Variants in KRT8 observed in about 807,000 individuals in gnomAD.
KRT8 encodes the protein keratin 8.
In KRT8, 24 loss-of-function variants were observed where a neutral mutation model predicts 43.0. That is an observed-to-expected ratio of 0.56 (90% CI 0.40 to 0.78). The LOEUF is 0.78. Among genes scored for constraint, KRT8 ranks in the 30% least tolerant of loss-of-function variants. The probability of loss-of-function intolerance (pLI) is 0.00; values close to 1 mark genes in which losing one functional copy is unlikely to be tolerated. For missense variants in KRT8, 492 were observed against 638.4 expected, an observed-to-expected ratio of 0.77 and a Z score of 2.47; for synonymous variants, 214 against 261.2, an observed-to-expected ratio of 0.82 and a Z score of 1.74.
intron 7 of KRT8, 45 bp from the exon 8 acceptor site, chr12:52,897,663 C>T (rs768604340): frequency 6.3e-7 from 1 of 1,597,444 alleles, no homozygotes; most frequent in Non-Finnish European, 8.5e-7. Flanking sequence ...AAGCCCACCC[C>T]ATGGCAGGCT....
At chr12:52,927,466 GAAGAGCTC>G (rs1942013331) in intron 2 of KRT8, among the ~76,000 whole-genome samples, 1 of 152,226 alleles carries the variant, frequency 6.6e-6, no homozygotes. Flanking sequence ...ACAGGAGGAG[GAAGAGCTC>G]TGTTTGTCCC....
At chr12:52,941,266 A>G (rs565150512) in intron 2 of KRT8, among the ~76,000 whole-genome samples, 1 of 151,684 alleles carries the variant, frequency 6.6e-6, no homozygotes, top group Middle Eastern at 3.2e-3. Flanking sequence ...GAAAACCCAC[A>G]GATGCAGGAA....
intron 2 of KRT8, among the ~76,000 whole-genome samples, chr12:52,943,880 C>A (rs1308738981): frequency 6.6e-6 from 1 of 152,224 alleles, no homozygotes; most frequent in Non-Finnish European, 1.5e-5. Context: ...ACTGGATGAT[C>A]TGGAGATAGG....
chr12:52,907,308 T>A (rs1941541720), upstream of KRT8, among the ~76,000 whole-genome samples: 1 of 152,082 alleles, frequency 6.6e-6, no homozygotes, highest in Non-Finnish European at 1.5e-5. Context: ...CTGGGCCCAG[T>A]GCCAAACCTG....
chr12:52,939,828 G>A (rs765751870), intron 2 of KRT8, among the ~76,000 whole-genome samples: 2 of 152,064 alleles, frequency 1.3e-5, no homozygotes, highest in Non-Finnish European at 2.9e-5. Context: ...CCTCATGCCT[G>A]TAATCCCAGC....
chr12:52,925,902 C>T (rs1941980159), intron 2 of KRT8, among the ~76,000 whole-genome samples: 1 of 152,104 alleles, frequency 6.6e-6, no homozygotes, highest in East Asian at 1.9e-4. Flanking sequence ...GGGCCCATTA[C>T]TCTGAGCTGG....
chr12:52,933,678 G>A lies in KRT8; in HGVS notation c.-47+15778C>T, dbSNP rs141679871. Among the ~76,000 whole-genome samples the A allele has an allele frequency of 3.0e-3, 463 of 151,926 alleles. 1 individual carries two copies. Among genetic ancestry groups the A allele is most frequent in the Middle Eastern group, 0.017 (5 of 294 alleles). On this transcript the variant is annotated intron_variant, in intron 2 of 6. Coordinates refer to the KRT8 transcript ENST00000546826. ...ATGCTCTTTTTGCCCAGGCTGAAGC[G>A]CAATGGGACAGTCTCGGCTCACTGC... is the stretch of plus-strand genomic sequence containing the variant.
At chr12:52,946,906 C>G (rs1199312049) in intron 2 of KRT8, 3 of 152,370 alleles carry the variant, frequency 2.0e-5, no homozygotes, top group Non-Finnish European at 4.4e-5. Flanking sequence ...GGTGACAGAT[C>G]AGGAACAATC....
At chr12:52,924,588 C>CA (rs1249676372) in intron 2 of KRT8, among the ~76,000 whole-genome samples, 5 of 151,066 alleles carry the variant, frequency 3.3e-5, no homozygotes, top group Non-Finnish European at 5.9e-5. Context: ...GACCCTGTCT[C>CA]AAAAAAATAA....
chr12:52,922,184 T>TAAAAAAAAA (rs57023136), intron 2 of KRT8, among the ~76,000 whole-genome samples: 2 of 38,674 alleles, frequency 5.2e-5, no homozygotes, highest in Non-Finnish European at 4.4e-5. Context: ...ACCCTGTCTC[T>TAAAAAAAAA]AAAAAAAAAA....
intron 2 of KRT8, among the ~76,000 whole-genome samples, chr12:52,938,170 A>ATATTTTTT (rs1555189967): frequency 1.3e-4 from 4 of 30,312 alleles, no homozygotes; most frequent in Middle Eastern, 0.025. Flanking sequence ...ATATATATAT[A>ATATTTTTT]TTTTTTTTTT....
intron 2 of KRT8, among the ~76,000 whole-genome samples, chr12:52,918,602 G>A (rs1010127335): frequency 2.6e-5 from 4 of 152,168 alleles, no homozygotes; most frequent in African/African-American, 7.2e-5. Context: ...GAAGAATTTC[G>A]CAGCCACTTC....
upstream of KRT8, among the ~76,000 whole-genome samples, chr12:52,906,340 C>A (rs1376749229): frequency 6.6e-6 from 1 of 152,144 alleles, no homozygotes; most frequent in Admixed American, 6.5e-5. Context: ...GTGAGTGAAT[C>A]ATGGGAAGTG....
rs778642491 is a variant in KRT8 at position 52,897,353 on chromosome 12, C to T, written c.*75G>A. ...GGTGGGTCTCCTGTTCCCAGTGCTA[C>T]CCTGCATAGCGGCCTCCTTCCCAGG... On this transcript the variant is annotated 3_prime_UTR_variant, in exon 8 of 8. Coordinates refer to ENST00000692008, the Ensembl canonical transcript of KRT8. 9 of 1,335,302 alleles carry T rather than the reference C, an allele frequency of 6.7e-6. No homozygotes were observed. In the African/African-American group the frequency reaches 1.3e-4, roughly 19 times the overall value. The allele number at this position is 1,335,302 out of a possible 1,614,324, so 82.7% of individuals were successfully genotyped here. A position where few individuals can be genotyped will look rare whatever the true frequency, so the allele number is the denominator to read the frequency against.
chr12:52,917,698 G>T (rs548549868), intron 2 of KRT8, among the ~76,000 whole-genome samples: 1 of 122,542 alleles, frequency 8.2e-6, no homozygotes, highest in South Asian at 2.9e-4. Flanking sequence ...GATAGGGCGA[G>T]ACTCTGTCTC....
chr12:52,898,706 C>G, exon 6 of KRT8: 1 of 1,614,238 alleles, frequency 6.2e-7, no homozygotes, highest in Non-Finnish European at 8.5e-7. Flanking sequence ...CAGCAGCTTC[C>G]TGTAGGTGGC....
At chr12:52,929,332 C>T (rs1942047554) in intron 2 of KRT8, among the ~76,000 whole-genome samples, 1 of 152,006 alleles carries the variant, frequency 6.6e-6, no homozygotes, top group African/African-American at 2.4e-5. Context: ...GCTGGGATTA[C>T]AGGTGCCCAC....
At position 52,913,120 on chromosome 12, in the gene KRT8, G is replaced by A. The variant is rs146484392; in HGVS notation, c.-46-8093C>T. Reference sequence around the variant, plus strand: ...TCCAGGTATCAGAGGAGGCTCAGCCGAGGTTAATCACCCACCATAAAAGCA... The same window carrying A: ...TCCAGGTATCAGAGGAGGCTCAGCCAAGGTTAATCACCCACCATAAAAGCA... On this transcript the variant is annotated intron_variant, in intron 2 of 6. Transcript: ENST00000546826. Among the ~76,000 whole-genome samples, 73 of 152,290 alleles carry A rather than the reference G, an allele frequency of 4.8e-4. 1 individual carries two copies. The highest frequency in any genetic ancestry group is 1.5e-3 in the African/African-American group (63 of 41,574).
At position 52,949,065 on chromosome 12, in the gene KRT8, G is replaced by A; in HGVS notation, c.-47+391C>T. On this transcript the variant is annotated intron_variant, in intron 2 of 6. Transcript: ENST00000546826. ...CTCCGGCTTCCGAAGCGGCTCCGGG[G>A]CGGGGGCGGGGCCTCACTCTGCGAT... The A allele has an allele frequency of 3.8e-6, 4 of 1,065,384 alleles. No individual in the cohort carries two copies. In the Admixed American group the frequency reaches 5.5e-5, roughly 15 times the overall value. 66.0% of individuals were successfully genotyped at this position (1,065,384 alleles called of 1,614,324 possible). A position where few individuals can be genotyped will look rare whatever the true frequency, so the allele number is the denominator to read the frequency against.
Sources: gnomAD v4.1 joint callset for allele counts (sites outside exome capture counted in the v4.1 genomes callset) on GRCh38, gnomAD v4.1.1 for gene constraint, MANE v1.5 for transcripts, NCBI Gene and HGNC (gene_info 2026-07-23, HGNC 2026-07-21) for gene names.